Variants in RANBP2 observed in about 807,000 individuals in gnomAD.
RANBP2 encodes the protein E3 SUMO-protein ligase RanBP2.
Under a neutral mutation model 303.6 loss-of-function variants are expected in RANBP2, and 57 were observed. That is an observed-to-expected ratio of 0.19 (90% CI 0.15 to 0.23). The LOEUF (loss-of-function observed/expected upper bound fraction) is 0.23, where lower values mean the gene tolerates loss of function less well. RANBP2 is among the 10% of genes least tolerant of loss of function. RANBP2 has a pLI of 1.00. For synonymous variants in RANBP2, 1,167 were observed against 1,301.5 expected, an observed-to-expected ratio of 0.90 and a Z score of 2.23; for missense variants, 3,138 against 3,780.8, an observed-to-expected ratio of 0.83 and a Z score of 4.46.
the RANBP2 span, among the ~76,000 whole-genome samples, chr2:109,442,352 T>G: frequency 6.7e-6 from 1 of 148,712 alleles, no homozygotes; most frequent in Non-Finnish European, 1.5e-5. Flanking sequence ...ATTAGAAAGG[T>G]AAAAATGAAA....
chr2:109,003,666 C>A, the RANBP2 span, among the ~76,000 whole-genome samples: 1 of 152,130 alleles, frequency 6.6e-6, no homozygotes, highest in South Asian at 2.1e-4. Context: ...CCACCTCGGC[C>A]TCCCAAAGTG....
At chr2:109,289,266 A>G in the RANBP2 span, among the ~76,000 whole-genome samples, 1 of 152,208 alleles carries the variant, frequency 6.6e-6, no homozygotes, top group Non-Finnish European at 1.5e-5. Flanking sequence ...ATTATCACCC[A>G]CTGGCTGGGG....
At chr2:109,196,339 G>A in the RANBP2 span, among the ~76,000 whole-genome samples, 13 of 152,322 alleles carry the variant, frequency 8.5e-5, no homozygotes, top group East Asian at 2.1e-3. Context: ...GCCTGGCGTT[G>A]GGCTGTGGCT....
chr2:109,603,481 C>T, the RANBP2 span, among the ~76,000 whole-genome samples: 113 of 152,176 alleles, frequency 7.4e-4, 3 homozygotes, highest in South Asian at 0.02. Context: ...CCTCGTGATC[C>T]GCCTGCCTCA....
At chr2:109,428,915 C>T in the RANBP2 span, among the ~76,000 whole-genome samples, 2 of 152,140 alleles carry the variant, frequency 1.3e-5, no homozygotes. Flanking sequence ...GTTCTCCCTG[C>T]CATGCCAGAC....
chr2:109,609,679 A>G, the RANBP2 span, among the ~76,000 whole-genome samples: 2 of 152,172 alleles, frequency 1.3e-5, no homozygotes, highest in Non-Finnish European at 2.9e-5. Flanking sequence ...CAGAAAGTAA[A>G]ACAAATGAGA....
the RANBP2 span, among the ~76,000 whole-genome samples, chr2:109,428,602 C>T: frequency 6.6e-6 from 1 of 152,204 alleles, no homozygotes; most frequent in Admixed American, 6.5e-5. Context: ...CCTCAAGAGG[C>T]GCTTTTTCTC....
the RANBP2 span, among the ~76,000 whole-genome samples, chr2:109,153,529 C>G: frequency 6.6e-6 from 1 of 152,192 alleles, no homozygotes; most frequent in East Asian, 1.9e-4. Context: ...AGCATGGGCT[C>G]GGCTCAGTGT....
chr2:109,043,276 C>T, the RANBP2 span, among the ~76,000 whole-genome samples: 1 of 152,142 alleles, frequency 6.6e-6, no homozygotes, highest in South Asian at 2.1e-4. Context: ...ACGAAATTAC[C>T]TCTGACTTAC....
chr2:109,168,372 T>C, the RANBP2 span, among the ~76,000 whole-genome samples: 2 of 151,408 alleles, frequency 1.3e-5, no homozygotes, highest in African/African-American at 4.9e-5. Flanking sequence ...CTATCAGGAG[T>C]GAGATGAATG....
the RANBP2 span, among the ~76,000 whole-genome samples, chr2:109,454,446 G>A: frequency 2.6e-5 from 4 of 152,154 alleles, no homozygotes; most frequent in African/African-American, 7.2e-5. Flanking sequence ...GGCCATGAGT[G>A]GTGCTCCTTG....
At chr2:109,209,053 C>T in the RANBP2 span, among the ~76,000 whole-genome samples, 1 of 152,188 alleles carries the variant, frequency 6.6e-6, no homozygotes, top group African/African-American at 2.4e-5. Context: ...CCTGTAGACC[C>T]ACACCAACTT....
chr2:109,350,676 G>A, the RANBP2 span, among the ~76,000 whole-genome samples: 51 of 152,258 alleles, frequency 3.3e-4, no homozygotes, highest in African/African-American at 9.6e-4. Flanking sequence ...CGGTGGGTCC[G>A]ACCCACCTTA....
the RANBP2 span, among the ~76,000 whole-genome samples, chr2:109,706,405 A>G: frequency 2.0e-5 from 3 of 152,258 alleles, no homozygotes; most frequent in East Asian, 5.8e-4. Context: ...GGGCCTCTGC[A>G]CTGGTCTTTC....
chr2:108,943,565 G>A, the RANBP2 span, among the ~76,000 whole-genome samples: 10 of 152,212 alleles, frequency 6.6e-5, no homozygotes, highest in African/African-American at 2.2e-4. Context: ...GAATTATCCA[G>A]AACCAGTGTG....
the RANBP2 span, among the ~76,000 whole-genome samples, chr2:108,843,926 T>C: frequency 4.2e-5 from 6 of 144,544 alleles, no homozygotes; most frequent in African/African-American, 1.3e-4. Context: ...GGTCTTGCTC[T>C]GTTGCCCAGG....
the RANBP2 span, among the ~76,000 whole-genome samples, chr2:109,165,163 G>T: frequency 2.0e-5 from 3 of 151,190 alleles, no homozygotes; most frequent in South Asian, 2.1e-4. Flanking sequence ...TCAACTTGCT[G>T]CCTAAGCCAC....
the RANBP2 span, among the ~76,000 whole-genome samples, chr2:108,911,855 C>A: frequency 6.4e-4 from 97 of 152,160 alleles, 1 homozygote; most frequent in Non-Finnish European, 1.5e-4. Context: ...GCTGAGCCTC[C>A]CCTGTGGGTG....
At chr2:109,134,740 G>A in the RANBP2 span, among the ~76,000 whole-genome samples, 11 of 152,142 alleles carry the variant, frequency 7.2e-5, no homozygotes, top group East Asian at 7.7e-4. Context: ...GGCTCAGCTC[G>A]TTGGTAGCAC....
Sources: gnomAD v4.1 joint callset for allele counts (sites outside exome capture counted in the v4.1 genomes callset) on GRCh38, gnomAD v4.1.1 for gene constraint, MANE v1.5 for transcripts, NCBI Gene and HGNC (gene_info 2026-07-23, HGNC 2026-07-21) for gene names.